The following D2HGDH variants were observed in gnomAD, a reference collection of about 807,000 sequenced individuals.
D2HGDH encodes D-2-hydroxyglutarate dehydrogenase.
Under a neutral mutation model 46.9 loss-of-function variants are expected in D2HGDH, and 31 were observed. That is an observed-to-expected ratio of 0.66 (90% CI 0.50 to 0.89). D2HGDH has a LOEUF of 0.89. Among genes scored for constraint, D2HGDH ranks in the 40% least tolerant of loss-of-function variants. D2HGDH has a pLI of 0.00. For synonymous variants in D2HGDH, 364 were observed against 332.6 expected (o/e 1.09, Z -1.03); for missense variants, 698 against 720.8 (o/e 0.97, Z 0.36).
intron 9 of D2HGDH, among the ~76,000 whole-genome samples, chr2:241,765,200 A>G (rs1699175053): frequency 6.6e-6 from 1 of 152,228 alleles, no homozygotes; most frequent in Admixed American, 6.5e-5. Flanking sequence ...GGACTCTTCC[A>G]GGTCAGGAGG....
rs1307944029 is a variant in D2HGDH at position 241,767,844 on chromosome 2, A to G, written c.1441A>G (p.Arg481Gly). ...CAGCGCGGAGCACGGAGTGGGCTTC[A>G]GGAAGAGGGACGTCCTGGGCTACAG... Reference protein sequence around the residue: ...SVSAEHGVGFRKRDVLGYSKP... With the variant: ...SVSAEHGVGFGKRDVLGYSKP... The change falls in exon 10 of 10, where the codon AGG becomes GGG. Residue 481 changes from arginine to glycine, a missense_variant. By Grantham distance (125) the Arg-to-Gly change is moderately radical. Coordinates refer to ENST00000321264, the MANE Select transcript of D2HGDH (RefSeq NM_152783.5). 6.2e-7 allele frequency: 1 copy of G among 1,612,076 alleles called. No homozygotes were observed. Among genetic ancestry groups the G allele is most frequent in the Non-Finnish European group, 8.5e-7 (1 of 1,179,400 alleles).
intron 7 of D2HGDH, among the ~76,000 whole-genome samples, 193 bp from the exon 8 acceptor site, chr2:241,751,053 C>T (rs936172572): frequency 2.0e-4 from 31 of 152,316 alleles, no homozygotes; most frequent in African/African-American, 7.0e-4. Flanking sequence ...CCACTGTGCC[C>T]GGCCAAAGAC....
chr2:241,768,701 A>G lies in D2HGDH; in HGVS notation c.*732A>G, dbSNP rs1303767431. The G allele has an allele frequency of 1.3e-5, 2 of 152,124 alleles. No homozygotes were observed. Among genetic ancestry groups the G allele is most frequent in the Non-Finnish European group, 2.9e-5 (2 of 68,040 alleles). The allele number at this position is 152,124 out of a possible 1,614,324, so 9.4% of individuals were successfully genotyped here. A position where few individuals can be genotyped will look rare whatever the true frequency, so the allele number is the denominator to read the frequency against. ...CCGGCACGGACAAGGGCCACTGCAG[A>G]GTGTGTTTCTGCTCGTCAGCTGCCC... On this transcript the variant is annotated 3_prime_UTR_variant, in exon 10 of 10. Transcript: ENST00000321264.
chr2:241,767,971 G>A lies in D2HGDH; in HGVS notation c.*2G>A, dbSNP rs144699251. ...AAGACGCTGCCCAGCCAGGCCTGACGGCCACTCCTGCTGCTGCCAAGGCCC... is the reference window on the plus strand; with the variant it reads ...AAGACGCTGCCCAGCCAGGCCTGACAGCCACTCCTGCTGCTGCCAAGGCCC... On this transcript the variant is annotated 3_prime_UTR_variant, in exon 10 of 10. Coordinates refer to ENST00000321264, the MANE Select transcript of D2HGDH (RefSeq NM_152783.5). The A allele has an allele frequency of 9.0e-5, 142 of 1,585,438 alleles. 1 individual carries two copies. The African/African-American group carries it at 1.5e-3, about 16-fold the overall frequency.
In D2HGDH at chr2:241,735,475, C is replaced by G. The variant is rs764204572; in HGVS notation, c.251C>G (p.Ala84Gly). The part of the protein sequence containing the change: ...VPGGVVTDPE[A>G]LQAPNVDWLR... ...GGCGGGGTCGTCACGGACCCGGAAG[C>G]GCTGCAGGCTCCCAACGTGGACTGG... The change falls in exon 2 of 10, where the codon GCG becomes GGG. Residue 84 changes from alanine to glycine, a missense_variant. Coordinates refer to ENST00000321264, the MANE Select transcript of D2HGDH (RefSeq NM_152783.5). 3.1e-6 allele frequency: 5 copies of G among 1,608,890 alleles called. No homozygotes were observed. Among genetic ancestry groups the G allele is most frequent in the Non-Finnish European group, 3.4e-6 (4 of 1,179,764 alleles).
At chr2:241,740,106 C>G (rs1385836267) in intron 2 of D2HGDH, among the ~76,000 whole-genome samples, 1 of 152,218 alleles carries the variant, frequency 6.6e-6, no homozygotes, top group Non-Finnish European at 1.5e-5. Context: ...GATTGTGTCA[C>G]TGTACTCCAG....
rs776702043 is a variant in D2HGDH, at chr2:241,751,315, A to G, written c.1067A>G (p.His356Arg). The change falls in exon 8 of 10, where the codon CAC becomes CGC. Residue 356 changes from histidine to arginine, a missense_variant. Transcript: ENST00000321264. ...GGCCATGACGCTGAGAAGCTGGGCCACTTCCTGGAGCACGCGCTGGGCTCC... is the reference window on the plus strand; with the variant it reads ...GGCCATGACGCTGAGAAGCTGGGCCGCTTCCTGGAGCACGCGCTGGGCTCC... The part of the protein sequence containing the change: ...NAGHDAEKLG[H>R]FLEHALGSGL... 2 of 1,613,918 alleles carry G rather than the reference A, an allele frequency of 1.2e-6. No individual in the cohort carries two copies. Among genetic ancestry groups the G allele is most frequent in the East Asian group, 2.2e-5 (1 of 44,880 alleles).
At chr2:241,760,709 C>G (rs1370862237) in intron 9 of D2HGDH, among the ~76,000 whole-genome samples, 1 of 152,280 alleles carries the variant, frequency 6.6e-6, no homozygotes, top group African/African-American at 2.4e-5. Context: ...CTTACCCAAT[C>G]AGTCGAAGGC....
chr2:241,760,627 C>T (rs949730031), intron 9 of D2HGDH, among the ~76,000 whole-genome samples: 5 of 151,402 alleles, frequency 3.3e-5, no homozygotes, highest in Non-Finnish European at 4.4e-5. Context: ...CCCAATCAGT[C>T]GAAGTCCTTT....
At chr2:241,755,547 G>T (rs1450162815) in intron 8 of D2HGDH, 2 of 1,407,700 alleles carry the variant, frequency 1.4e-6, no homozygotes, top group Admixed American at 4.3e-5. Context: ...GATTGCCGGA[G>T]TCCCAGGGTG....
rs146579036 is a variant in D2HGDH, at chr2:241,742,782, T to A, written c.490+208T>A. On this transcript the variant is annotated intron_variant, in intron 4 of 9. Coordinates refer to ENST00000321264, the MANE Select transcript of D2HGDH (RefSeq NM_152783.5). The surrounding 1 kb of genome is among the most constrained non-coding windows in gnomAD (Gnocchi z 4.8). ...GCGTGCTGGTGAGGGCTTGTCATTCTGGTCCCTTCCGACTCCATCCCGCTC... is the reference window on the plus strand; with the variant it reads ...GCGTGCTGGTGAGGGCTTGTCATTCAGGTCCCTTCCGACTCCATCCCGCTC... Among the ~76,000 whole-genome samples the A allele has an allele frequency of 0.017, 2,641 of 152,346 alleles. 37 individuals are homozygous for A. The highest frequency in any genetic ancestry group is 0.025 in the Non-Finnish European group (1,714 of 68,016).
In D2HGDH at chr2:241,767,542, G is replaced by A. The variant is rs182415566; in HGVS notation, c.1307-168G>A. On this transcript the variant is annotated intron_variant, in intron 9 of 9. Coordinates refer to ENST00000321264, the MANE Select transcript of D2HGDH (RefSeq NM_152783.5). ...AGCAGGGAGAAGCCAAGGTAGCAGCGGCCCCAGAGGAGGGGTCGGCACGTC... is the reference window on the plus strand; with the variant it reads ...AGCAGGGAGAAGCCAAGGTAGCAGCAGCCCCAGAGGAGGGGTCGGCACGTC... Among the ~76,000 whole-genome samples, 9 of 151,438 alleles carry A rather than the reference G, an allele frequency of 5.9e-5. 1 individual carries two copies. The Middle Eastern group carries it at 0.01, about 172-fold the overall frequency.
intron 9 of D2HGDH, among the ~76,000 whole-genome samples, chr2:241,764,979 G>A (rs1002801220): frequency 6.6e-6 from 1 of 152,230 alleles, no homozygotes; most frequent in African/African-American, 2.4e-5. Flanking sequence ...GGGTGTGCTT[G>A]GAGAGCTGCT....
In D2HGDH at chr2:241,748,755, G is replaced by C; in HGVS notation, c.854-1396G>C. The C allele has an allele frequency of 7.5e-6, 8 of 1,067,566 alleles. 1 individual carries two copies. In the South Asian group the frequency reaches 1.7e-4, roughly 22 times the overall value. The allele number at this position is 1,067,566 out of a possible 1,614,324, so 66.1% of individuals were successfully genotyped here. A position where few individuals can be genotyped will look rare whatever the true frequency, so the allele number is the denominator to read the frequency against. On this transcript the variant is annotated intron_variant, in intron 6 of 9. Coordinates refer to ENST00000321264, the MANE Select transcript of D2HGDH (RefSeq NM_152783.5). ...ACCTGACCCCGGAACGGCTGGGGCA[G>C]CCTTGACTGCTTCTGCCGACTTACT...
chr2:241,756,102 C>A, intron 9 of D2HGDH, 88 bp downstream of exon 9: 4 of 1,477,538 alleles, frequency 2.7e-6, no homozygotes, highest in Non-Finnish European at 3.6e-6. Context: ...CGAGGCAGGG[C>A]AGTTTGACCA....
At chr2:241,753,049 G>A (rs191063527) in intron 8 of D2HGDH, among the ~76,000 whole-genome samples, 119 of 152,188 alleles carry the variant, frequency 7.8e-4, no homozygotes, top group Non-Finnish European at 1.9e-4. Flanking sequence ...GCCCAGAGCC[G>A]GGTTCATGAC....
Position 241,741,064 on chromosome 2 carries a change from G to A in D2HGDH, c.324G>A (p.Thr108=), listed in dbSNP as rs371102955. The change falls in exon 3 of 10, where the codon ACG becomes ACA. Residue 108 remains threonine (T), a synonymous_variant. Transcript: ENST00000321264. ...GCSKVLLRPR[T]SEEVSHILRH... ...GCAAGGTGCTGCTGAGGCCACGGAC[G>A]TCGGAGGAGGTGTCCCACATCCTCA... is the stretch of plus-strand genomic sequence containing the variant. 3.3e-5 allele frequency: 53 copies of A among 1,613,900 alleles called. No individual in the cohort carries two copies. The highest frequency in any genetic ancestry group is 4.1e-5 in the Non-Finnish European group (48 of 1,180,018).
rs563045266 is a variant in D2HGDH at position 241,743,463 on chromosome 2, C to G, written c.491-159C>G. Among the ~76,000 whole-genome samples the G allele has an allele frequency of 6.9e-4, 105 of 152,148 alleles. No individual in the cohort carries two copies. The highest frequency in any genetic ancestry group is 2.5e-3 in the African/African-American group (103 of 41,508). On this transcript the variant is annotated intron_variant, in intron 4 of 9. Coordinates refer to ENST00000321264, the MANE Select transcript of D2HGDH (RefSeq NM_152783.5). The surrounding 1 kb of genome is among the most constrained non-coding windows in gnomAD (Gnocchi z 4.8). ...CCTGTGAGGCCCAGATGTTTTCGTC[C>G]TTGGGCCAGCGATGTGGGGGTGCCT...
intron 9 of D2HGDH, among the ~76,000 whole-genome samples, chr2:241,759,601 C>T (rs925976629): frequency 2.0e-5 from 3 of 152,246 alleles, no homozygotes; most frequent in Admixed American, 6.5e-5. Flanking sequence ...ACTTGTTTGC[C>T]GTCTTGAATG....
Sources: gnomAD v4.1 joint callset for allele counts (sites outside exome capture counted in the v4.1 genomes callset) on GRCh38, gnomAD v4.1.1 for gene constraint, Gnocchi (gnomAD v3.1) non-coding constraint, MANE v1.5 for transcripts, NCBI Gene and HGNC (gene_info 2026-07-23, HGNC 2026-07-21) for gene names.